JAZF1: variants seen among roughly 807,000 people sequenced by gnomAD.
JAZF1 encodes juxtaposed with another zinc finger protein 1.
In JAZF1, 8 loss-of-function variants were observed where a neutral mutation model predicts 26.4. The observed-to-expected ratio is 0.30, with a 90% confidence interval of 0.18 to 0.55. The LOEUF (loss-of-function observed/expected upper bound fraction) is 0.55. Among genes scored for constraint, JAZF1 ranks in the 20% least tolerant of loss-of-function variants. The pLI, the probability that JAZF1 is intolerant of heterozygous loss-of-function variation, is 0.94. For missense variants in JAZF1, 199 were observed against 322.0 expected, an observed-to-expected ratio of 0.62 and a Z score of 2.92; for synonymous variants, 126 against 122.3, an observed-to-expected ratio of 1.03 and a Z score of -0.20.
chr7:28,034,378 G>A (rs1783248749), intron 1 of JAZF1, among the ~76,000 whole-genome samples: 1 of 150,536 alleles, frequency 6.6e-6, no homozygotes, highest in African/African-American at 2.4e-5. Flanking sequence ...AGAACAATTG[G>A]AAGCACAAAC....
intron 2 of JAZF1, among the ~76,000 whole-genome samples, chr7:27,917,999 C>T (rs910519629): frequency 1.3e-5 from 2 of 152,068 alleles, no homozygotes; most frequent in Admixed American, 6.6e-5. Flanking sequence ...AATGCACAAG[C>T]GATGATGAAC....
At chr7:27,907,463 C>G (rs1217963864) in intron 2 of JAZF1, among the ~76,000 whole-genome samples, 1 of 152,212 alleles carries the variant, frequency 6.6e-6, no homozygotes, top group Non-Finnish European at 1.5e-5. Flanking sequence ...GGAACCTATG[C>G]AGTCCACAGT....
Position 27,896,408 on chromosome 7 carries a change from A to G in JAZF1, c.189-992T>C, listed in dbSNP as rs569813416. Among the ~76,000 whole-genome samples, 4 of 152,342 alleles carry G rather than the reference A, an allele frequency of 2.6e-5. No individual in the cohort carries two copies. The East Asian group carries it at 5.8e-4, about 22-fold the overall frequency. ...AAAATTGCCATAGAAAGCATAGTCC[A>G]TAAATGTATGATAGCGTTCAGATGA... is the stretch of plus-strand genomic sequence containing the variant. On this transcript the variant is annotated intron_variant, in intron 2 of 4. Coordinates refer to ENST00000283928, the MANE Select transcript of JAZF1 (RefSeq NM_175061.4).
In JAZF1 at chr7:27,831,959, CTT is replaced by C; in HGVS notation, c.*839_*840del. 4.5e-6 allele frequency: 1 copy of C among 220,364 alleles called. No individual in the cohort carries two copies. The highest frequency in any genetic ancestry group is 6.7e-5 in the East Asian group (1 of 15,032). 13.7% of individuals were successfully genotyped at this position (220,364 alleles called of 1,614,324 possible). On this transcript the variant is annotated 3_prime_UTR_variant, in exon 5 of 5. Transcript: ENST00000283928. ...ACTTTGCACTGAAGTATTTCAAAGT[CTT>C]TTCTAACAGATTTCAGGGAAAAAAG... is the stretch of plus-strand genomic sequence containing the variant.
intron 3 of JAZF1, chr7:27,846,522 T>A (rs1422274711): frequency 2.1e-6 from 1 of 470,988 alleles, no homozygotes; most frequent in Non-Finnish European, 4.4e-6. Context: ...AGTGCAGACA[T>A]CTTCCTGGGG....
intron 1 of JAZF1, among the ~76,000 whole-genome samples, chr7:27,995,635 C>T (rs1441722107): frequency 6.6e-6 from 1 of 152,124 alleles, no homozygotes; most frequent in Non-Finnish European, 1.5e-5. Flanking sequence ...TAGCTTACTT[C>T]AAAGTTTCTA....
intron 2 of JAZF1, among the ~76,000 whole-genome samples, chr7:27,935,609 T>C (rs181815952): frequency 9.8e-5 from 15 of 152,328 alleles, no homozygotes; most frequent in Admixed American, 2.0e-4. Flanking sequence ...ATTCTAAAAC[T>C]AGGTTGTATT....
intron 2 of JAZF1, among the ~76,000 whole-genome samples, chr7:27,909,765 T>C (rs561269330): frequency 1.3e-5 from 2 of 152,238 alleles, no homozygotes; most frequent in South Asian, 4.1e-4. Flanking sequence ...CGCCACAATG[T>C]CAATATTTTG....
At chr7:27,851,016 C>T (rs1783137626) in intron 3 of JAZF1, among the ~76,000 whole-genome samples, 1 of 152,142 alleles carries the variant, frequency 6.6e-6, no homozygotes. Context: ...GATCTTGGCT[C>T]ACTGCAACTT....
chr7:28,076,272 C>T (rs748643403), intron 1 of JAZF1, among the ~76,000 whole-genome samples: 12 of 152,154 alleles, frequency 7.9e-5, no homozygotes, highest in Non-Finnish European at 1.6e-4. Context: ...TGTTCAACCA[C>T]AATGGTGACA....
Position 27,840,470 on chromosome 7 carries a change from A to G in JAZF1, c.555+228T>C, listed in dbSNP as rs984377615. ...GCTCTCTCTTGACTGCCAGGCTCCC[A>G]CGTAGGTGAGCAGAGGGGAAAGCCC... On this transcript the variant is annotated intron_variant, in intron 4 of 4. Coordinates refer to ENST00000283928, the MANE Select transcript of JAZF1 (RefSeq NM_175061.4). The surrounding 1 kb of genome is among the most constrained non-coding windows in gnomAD (Gnocchi z 5.1). 6.6e-6 allele frequency among the ~76,000 whole-genome samples: 1 copy of G among 152,250 alleles called. No individual in the cohort carries two copies.
chr7:27,831,935 C>G lies in JAZF1; in HGVS notation c.*865G>C, dbSNP rs1229133489. Reference sequence around the variant, plus strand: ...TATAACTAAACTTCACACACACACACTTTGCACTGAAGTATTTCAAAGTCT... The same window carrying G: ...TATAACTAAACTTCACACACACACAGTTTGCACTGAAGTATTTCAAAGTCT... On this transcript the variant is annotated 3_prime_UTR_variant, in exon 5 of 5. Transcript: ENST00000283928. 2 of 219,442 alleles carry G rather than the reference C, an allele frequency of 9.1e-6. No homozygotes were observed. The highest frequency in any genetic ancestry group is 4.5e-5 in the African/African-American group (2 of 44,598). 13.6% of individuals were successfully genotyped at this position (219,442 alleles called of 1,614,324 possible).
At chr7:28,161,207 T>C (rs1029565875) in intron 1 of JAZF1, among the ~76,000 whole-genome samples, 1 of 142,416 alleles carries the variant, frequency 7.0e-6, no homozygotes, top group Non-Finnish European at 1.5e-5. Flanking sequence ...ATTATCATTA[T>C]AACCAGCCTT....
At chr7:28,099,862 G>A (rs1400719893) in intron 1 of JAZF1, among the ~76,000 whole-genome samples, 1 of 152,136 alleles carries the variant, frequency 6.6e-6, no homozygotes, top group Non-Finnish European at 1.5e-5. Flanking sequence ...AAAAAGATAT[G>A]GCCTTTTAGT....
At chr7:28,159,048 G>T (rs1477141023) in intron 1 of JAZF1, among the ~76,000 whole-genome samples, 2 of 152,066 alleles carry the variant, frequency 1.3e-5, no homozygotes, top group Non-Finnish European at 2.9e-5. Context: ...CTGATGAGGG[G>T]AGAGAGACGC....
intron 2 of JAZF1, among the ~76,000 whole-genome samples, chr7:27,896,333 A>G (rs1784062381): frequency 6.6e-6 from 1 of 152,220 alleles, no homozygotes; most frequent in Admixed American, 6.6e-5. Flanking sequence ...CTACCTAAAG[A>G]ACATTCACCT....
At chr7:27,904,246 A>AC (rs1293747730) in intron 2 of JAZF1, among the ~76,000 whole-genome samples, 1 of 152,202 alleles carries the variant, frequency 6.6e-6, no homozygotes, top group East Asian at 1.9e-4. Flanking sequence ...CCCACATGTC[A>AC]AAGGATCTGG....
At chr7:27,957,706 T>C (rs1423580344) in intron 2 of JAZF1, among the ~76,000 whole-genome samples, 1 of 152,216 alleles carries the variant, frequency 6.6e-6, no homozygotes, top group Admixed American at 6.5e-5. Context: ...GTAAGATTAA[T>C]GAATTCACAG....
At chr7:28,167,489 C>T (rs1207480538) in intron 1 of JAZF1, among the ~76,000 whole-genome samples, 1 of 152,212 alleles carries the variant, frequency 6.6e-6, no homozygotes, top group Non-Finnish European at 1.5e-5. Context: ...CACACTGAAC[C>T]ACAGCTTACT....
Sources: allele counts gnomAD v4.1 joint callset (sites outside exome capture counted in the v4.1 genomes callset), GRCh38; gene constraint gnomAD v4.1.1; non-coding constraint Gnocchi (gnomAD v3.1); transcripts MANE v1.5; gene names NCBI Gene and HGNC (gene_info 2026-07-23, HGNC 2026-07-21).